The following CRNKL1 variants were observed in gnomAD, a reference collection of about 807,000 sequenced individuals.
The protein encoded by CRNKL1 is crooked neck pre-mRNA splicing factor 1.
Under a neutral mutation model 103.7 loss-of-function variants are expected in CRNKL1, and 35 were observed. The observed-to-expected ratio is 0.34, with a 90% CI of 0.26 to 0.45. The LOEUF is 0.45. Ranked by LOEUF, CRNKL1 falls within the 20% of genes least tolerant of loss-of-function variation. The pLI is 1.00. For missense variants in CRNKL1, 645 were observed against 836.0 expected (o/e 0.77, Z 2.82); for synonymous variants, 267 against 282.6 (o/e 0.94, Z 0.55).
intron 6 of CRNKL1, among the ~76,000 whole-genome samples, chr20:20,045,006 T>C (rs1315557205): frequency 6.6e-6 from 1 of 152,234 alleles, no homozygotes; most frequent in Non-Finnish European, 1.5e-5. Context: ...TTATTATCGG[T>C]TAAGTCCTTT....
chr20:20,045,718 G>C (rs1386099565), intron 5 of CRNKL1, among the ~76,000 whole-genome samples: 1 of 152,120 alleles, frequency 6.6e-6, no homozygotes, highest in Non-Finnish European at 1.5e-5. Context: ...TTAGTGGTGG[G>C]TATAAACTCG....
chr20:20,040,384 C>T (rs2146487328), intron 10 of CRNKL1, among the ~76,000 whole-genome samples: 1 of 150,120 alleles, frequency 6.7e-6, no homozygotes. Flanking sequence ...ATTTAACACA[C>T]CAAAAAGTTT....
At position 20,049,324 on chromosome 20, in the gene CRNKL1, C is replaced by T; in HGVS notation, c.296+16G>A. 1 of 1,340,824 alleles carries T rather than the reference C, an allele frequency of 7.5e-7. No individual in the cohort carries two copies. The highest frequency in any genetic ancestry group is 2.4e-4 in the Middle Eastern group (1 of 4,218). 83.1% of individuals were successfully genotyped at this position (1,340,824 alleles called of 1,614,324 possible). ...ATGAATCATTATATACAAAACTACA[C>T]TCTCAGTAATTTTACCTTTGAATCT... On this transcript the variant is annotated intron_variant, in intron 3 of 13. Coordinates refer to ENST00000536226, the MANE Select transcript of CRNKL1 (RefSeq NM_001278628.2).
At chr20:20,042,277 A>T in intron 8 of CRNKL1, 48 bp downstream of exon 8, 1 of 1,490,208 alleles carries the variant, frequency 6.7e-7, no homozygotes, top group Non-Finnish European at 9.0e-7. Context: ...CTGTGAATAC[A>T]GAAGACAGGA....
intron 5 of CRNKL1, 52 bp downstream of exon 5, chr20:20,047,713 C>T: frequency 6.4e-7 from 1 of 1,561,850 alleles, no homozygotes; most frequent in Middle Eastern, 1.8e-4. Flanking sequence ...ACAGGAGCAG[C>T]AGCAGCATCC....
chr20:20,052,666 G>C (rs529488737), upstream of CRNKL1: 14 of 1,613,250 alleles, frequency 8.7e-6, no homozygotes, highest in Non-Finnish European at 1.0e-5. Context: ...CCCCAGGTCA[G>C]CCTCCGGAAC....
At chr20:20,055,869 A>G (rs759688199), upstream of CRNKL1, 24 of 1,119,296 alleles carry the variant, frequency 2.1e-5, no homozygotes, top group Non-Finnish European at 3.0e-5. Flanking sequence ...TATGAAGGAA[A>G]GAAGGGAGGG....
upstream of CRNKL1, chr20:20,055,852 C>T (rs2044282257): frequency 4.2e-6 from 4 of 960,988 alleles, no homozygotes; most frequent in East Asian, 9.7e-5. Context: ...AATAAAATGG[C>T]TTTCCCTATG....
Position 20,042,408 on chromosome 20 carries a change from G to C in CRNKL1, c.1081C>G (p.Pro361Ala). Reference sequence around the variant, plus strand: ...CAGTGCCTCTTCTCCTGAATGGGTGGGACATTGGCAATGGCCCTTTCATAG... The same window carrying C: ...CAGTGCCTCTTCTCCTGAATGGGTGCGACATTGGCAATGGCCCTTTCATAG... ...EVYERAIANV[P>A]PIQEKRHWKR... Residue 361 changes from proline to alanine, a missense_variant, in exon 8 of 14, where the codon CCA becomes GCA. Around this residue, in one of 2 missense-constraint regions of CRNKL1, gnomAD observed 582 missense variants for 707.7 expected, o/e 0.82. Coordinates refer to ENST00000536226, the MANE Select transcript of CRNKL1 (RefSeq NM_001278628.2). 1 of 1,614,104 alleles carries C rather than the reference G, an allele frequency of 6.2e-7. No homozygotes were observed. The highest frequency in any genetic ancestry group is 8.5e-7 in the Non-Finnish European group (1 of 1,180,006).
In CRNKL1 at chr20:20,039,625, C is replaced by T. The variant is rs773384050; in HGVS notation, c.1529G>A (p.Arg510His). 14 of 1,614,092 alleles carry T rather than the reference C, an allele frequency of 8.7e-6. No individual in the cohort carries two copies. The highest frequency in any genetic ancestry group is 3.3e-5 in the Admixed American group (2 of 60,000). Residue 510 changes from arginine to histidine, a missense_variant, in exon 11 of 14, where the codon CGT becomes CAT. Coordinates refer to ENST00000536226, the MANE Select transcript of CRNKL1 (RefSeq NM_001278628.2). ...GATGCTCACCTCTGGCATGTCTAAA[C>T]GTGGCTGACTGATGGCTAATTCATA... is the stretch of plus-strand genomic sequence containing the variant. ...AIYELAISQP[R>H]LDMPEVLWKS... is the part of the protein sequence containing the mutation.
chr20:20,043,654 C>T lies in CRNKL1; in HGVS notation c.810G>A (p.Arg270=). The T allele has an allele frequency of 6.2e-7, 1 of 1,612,048 alleles. No homozygotes were observed. Among genetic ancestry groups the T allele is most frequent in the Non-Finnish European group, 8.5e-7 (1 of 1,178,346 alleles). ...GGGCATACTTGTAAATCACTCGTAC[C>T]CTTTCAAACTAAATGCAGACAGGAT... ...KFEENQKEFE[R]VRVIYKYALD... Residue 270 remains arginine, a synonymous_variant, in exon 7 of 14, where the codon AGG becomes AGA. Transcript: ENST00000536226.
At chr20:20,048,546 C>T in intron 3 of CRNKL1, 45 bp from the exon 4 acceptor site, 1 of 1,595,582 alleles carries the variant, frequency 6.3e-7, no homozygotes, top group Non-Finnish European at 8.6e-7. Context: ...GAGCATTCAA[C>T]ACATGTAGCA....
Position 20,037,397 on chromosome 20 carries a change from A to C in CRNKL1, c.1822T>G (p.Ser608Ala). 1 of 1,614,118 alleles carries C rather than the reference A, an allele frequency of 6.2e-7. No homozygotes were observed. Among genetic ancestry groups the C allele is most frequent in the Non-Finnish European group, 8.5e-7 (1 of 1,180,028 alleles). Residue 608 changes from serine (S) to alanine (A), a missense_variant, in exon 13 of 14, where the codon TCA (serine) becomes GCA (alanine). By Grantham distance (99) the Ser-to-Ala change is moderately conservative. Coordinates refer to ENST00000536226, the MANE Select transcript of CRNKL1 (RefSeq NM_001278628.2). ...RSFEEEFGTA[S>A]DKERVDKLMP... Reference sequence around the variant, plus strand: ...AGTTTGTCTACTCTCTCCTTATCTGAAGCTGTTCCAAATTCTTCTTCAAAA... The same window carrying C: ...AGTTTGTCTACTCTCTCCTTATCTGCAGCTGTTCCAAATTCTTCTTCAAAA...
At chr20:20,050,777 G>GA (rs922502410) in intron 1 of CRNKL1, among the ~76,000 whole-genome samples, 155 bp from the exon 2 acceptor site, 30 of 147,442 alleles carry the variant, frequency 2.0e-4, no homozygotes, top group South Asian at 8.6e-4. Context: ...AGACTGAAAA[G>GA]AAAAAAAAAA....
intron 6 of CRNKL1, among the ~76,000 whole-genome samples, chr20:20,044,913 G>T (rs1371580044): frequency 1.3e-5 from 2 of 152,100 alleles, no homozygotes; most frequent in African/African-American, 4.8e-5. Context: ...GGGAAAAAAA[G>T]AACTCTCTTA....
intron 6 of CRNKL1, 149 bp downstream of exon 6, chr20:20,045,159 G>C: frequency 3.4e-6 from 2 of 592,052 alleles, no homozygotes; most frequent in Non-Finnish European, 5.8e-6. Flanking sequence ...ACATATATAT[G>C]CTGTTCTCTG....
chr20:20,053,405 C>A (rs1420993053), upstream of CRNKL1, among the ~76,000 whole-genome samples: 2 of 152,156 alleles, frequency 1.3e-5, no homozygotes, highest in Non-Finnish European at 2.9e-5. Context: ...ACATTTGTTA[C>A]AATCTTGAAC....
At chr20:20,047,324 CAATT>C (rs1228898438) in intron 5 of CRNKL1, among the ~76,000 whole-genome samples, 1 of 151,858 alleles carries the variant, frequency 6.6e-6, no homozygotes, top group Non-Finnish European at 1.5e-5. Context: ...TACAGAATAA[CAATT>C]ATTTATATAA....
At chr20:20,046,596 C>T (rs967274646) in intron 5 of CRNKL1, among the ~76,000 whole-genome samples, 17 of 152,142 alleles carry the variant, frequency 1.1e-4, no homozygotes, top group Admixed American at 2.0e-4. Flanking sequence ...ATCTTAAATC[C>T]TAAAAAGAAC....
Sources: allele counts gnomAD v4.1 joint callset (sites outside exome capture counted in the v4.1 genomes callset), GRCh38; gene constraint gnomAD v4.1.1; regional missense constraint gnomAD v4.1.1; transcripts MANE v1.5; gene names NCBI Gene and HGNC (gene_info 2026-07-23, HGNC 2026-07-21).